Variants in SLC35F1 observed in about 807,000 individuals in gnomAD.
The protein encoded by SLC35F1 is chromosome 6 open reading frame 169.
A neutral mutation model predicts 48.7 loss-of-function variants in SLC35F1; 14 were observed. The ratio of observed to expected loss-of-function variants is 0.29; its 90% CI spans 0.19 to 0.45. SLC35F1 has a LOEUF of 0.45. SLC35F1 is among the 20% of genes least tolerant of loss of function. SLC35F1 has a pLI of 1.00. For synonymous variants in SLC35F1, 190 were observed against 202.2 expected (o/e 0.94, Z 0.51); for missense variants, 404 against 500.0 (o/e 0.81, Z 1.83).
chr6:118,154,200 T>C (rs1392022681), intron 1 of SLC35F1, among the ~76,000 whole-genome samples: 1 of 152,194 alleles, frequency 6.6e-6, no homozygotes, highest in African/African-American at 2.4e-5. Flanking sequence ...ATTCCAGTTT[T>C]GCCACTTCCT....
At chr6:118,047,138 A>G (rs1197298388) in intron 1 of SLC35F1, among the ~76,000 whole-genome samples, 3 of 152,062 alleles carry the variant, frequency 2.0e-5, no homozygotes, top group Non-Finnish European at 4.4e-5. Flanking sequence ...ATAAAAGAAA[A>G]CTCTGTTTTG....
chr6:118,183,116 A>G (rs182256176), intron 2 of SLC35F1, among the ~76,000 whole-genome samples: 124 of 152,322 alleles, frequency 8.1e-4, no homozygotes, highest in African/African-American at 2.7e-3. Context: ...GCAATCCATC[A>G]TGGTAACTCT....
chr6:118,225,892 T>A (rs1398274993), intron 2 of SLC35F1, among the ~76,000 whole-genome samples: 5 of 101,604 alleles, frequency 4.9e-5, no homozygotes, highest in South Asian at 3.1e-4. Context: ...AAAAAAAAAA[T>A]CTTCACAGCA....
Position 118,049,881 on chromosome 6 carries a change from T to C in SLC35F1, c.174-104564T>C, listed in dbSNP as rs1482239280. 3.3e-5 allele frequency among the ~76,000 whole-genome samples: 5 copies of C among 152,080 alleles called. No homozygotes were observed. In the East Asian group the frequency reaches 5.8e-4, roughly 18 times the overall value. On this transcript the variant is annotated intron_variant, in intron 1 of 7. Transcript: ENST00000360388. ...CATTACTGGGTATATACCCAAAGGA[T>C]TATAAATCATGCTGCTATAAAGACA... is the stretch of plus-strand genomic sequence containing the variant.
chr6:118,041,662 G>A (rs1294890176), intron 1 of SLC35F1, among the ~76,000 whole-genome samples: 1 of 152,150 alleles, frequency 6.6e-6, no homozygotes, highest in African/African-American at 2.4e-5. Flanking sequence ...GAGGGAGATA[G>A]AGAAAGGCCC....
intron 2 of SLC35F1, among the ~76,000 whole-genome samples, chr6:118,234,566 G>A (rs1379225868): frequency 1.3e-5 from 2 of 152,156 alleles, no homozygotes; most frequent in African/African-American, 4.8e-5. Flanking sequence ...GAGAACTTGA[G>A]CTGGAGACAC....
rs566723501 is a variant in SLC35F1 at position 118,102,624 on chromosome 6, C to T, written c.174-51821C>T. 4.3e-4 allele frequency among the ~76,000 whole-genome samples: 66 copies of T among 152,346 alleles called. 1 individual carries two copies. Among genetic ancestry groups the T allele is most frequent in the African/African-American group, 1.5e-3 (63 of 41,586 alleles). On this transcript the variant is annotated intron_variant, in intron 1 of 7. Transcript: ENST00000360388. ...TCACGTTGTGGCACAGCAGCTTTTG[C>T]TCTGAAATCAGCCTCAGATGGAGAG...
intron 1 of SLC35F1, among the ~76,000 whole-genome samples, chr6:118,140,093 G>C (rs893755095): frequency 1.3e-5 from 2 of 152,122 alleles, no homozygotes; most frequent in Non-Finnish European, 2.9e-5. Flanking sequence ...ATACCCATCA[G>C]ATGTCCTGTG....
chr6:117,935,414 A>T (rs1283594428), intron 1 of SLC35F1, among the ~76,000 whole-genome samples: 2 of 152,236 alleles, frequency 1.3e-5, no homozygotes, highest in Non-Finnish European at 2.9e-5. Flanking sequence ...GCTACTGATG[A>T]TAACATTTTC....
intron 7 of SLC35F1, among the ~76,000 whole-genome samples, chr6:118,297,650 TATA>T (rs1776205436): frequency 1.1e-5 from 1 of 92,802 alleles, no homozygotes; most frequent in African/African-American, 5.0e-5. Context: ...AAAATATATA[TATA>T]ATATATATAA....
intron 1 of SLC35F1, among the ~76,000 whole-genome samples, chr6:117,955,739 G>T (rs1776419694): frequency 6.6e-6 from 1 of 152,214 alleles, no homozygotes; most frequent in Non-Finnish European, 1.5e-5. Context: ...TCTTGCTTCA[G>T]TCTGGTGTTA....
At chr6:118,145,105 C>G (rs540669955) in intron 1 of SLC35F1, among the ~76,000 whole-genome samples, 1 of 152,178 alleles carries the variant, frequency 6.6e-6, no homozygotes, top group Non-Finnish European at 1.5e-5. Context: ...AAAAGAAATT[C>G]GTACCCATTC....
At chr6:117,955,233 G>A (rs1291958022) in intron 1 of SLC35F1, among the ~76,000 whole-genome samples, 2 of 152,088 alleles carry the variant, frequency 1.3e-5, no homozygotes, top group Non-Finnish European at 2.9e-5. Flanking sequence ...TTTTTAAATT[G>A]CTATTGCCAG....
intron 1 of SLC35F1, among the ~76,000 whole-genome samples, chr6:117,995,690 T>C (rs1305251001): frequency 6.6e-6 from 1 of 151,818 alleles, no homozygotes; most frequent in African/African-American, 2.4e-5. Flanking sequence ...GCAGTGAGCC[T>C]AGATTGCACC....
chr6:118,313,058 G>A (rs1237990902), intron 7 of SLC35F1, among the ~76,000 whole-genome samples: 1 of 152,138 alleles, frequency 6.6e-6, no homozygotes, highest in Non-Finnish European at 1.5e-5. Context: ...AGACAATTAA[G>A]TCCTAAATGG....
intron 1 of SLC35F1, among the ~76,000 whole-genome samples, chr6:118,083,006 A>T (rs1772935006): frequency 6.6e-6 from 1 of 152,094 alleles, no homozygotes; most frequent in Non-Finnish European, 1.5e-5. Flanking sequence ...CAAAGGGGGA[A>T]TGGGGAAAAA....
At chr6:118,157,437 T>C (rs1774161587) in intron 2 of SLC35F1, among the ~76,000 whole-genome samples, 1 of 152,068 alleles carries the variant, frequency 6.6e-6, no homozygotes, top group Non-Finnish European at 1.5e-5. Flanking sequence ...TAGATGTATA[T>C]ATGAAAGGGA....
intron 7 of SLC35F1, among the ~76,000 whole-genome samples, chr6:118,288,645 T>C (rs1027141851): frequency 1.3e-5 from 2 of 152,126 alleles, no homozygotes; most frequent in Non-Finnish European, 2.9e-5. Flanking sequence ...AGGTCTGTGT[T>C]GATATTAATG....
At chr6:118,280,943 C>A (rs988009314) in intron 6 of SLC35F1, among the ~76,000 whole-genome samples, 3 of 151,560 alleles carry the variant, frequency 2.0e-5, no homozygotes, top group Non-Finnish European at 2.9e-5. Flanking sequence ...GGTGACTTGA[C>A]GAGCATTACA....
Sources: allele counts gnomAD v4.1 joint callset (sites outside exome capture counted in the v4.1 genomes callset), GRCh38; gene constraint gnomAD v4.1.1; transcripts MANE v1.5; gene names NCBI Gene and HGNC (gene_info 2026-07-23, HGNC 2026-07-21).